Variants in CUL4B observed in about 807,000 individuals in gnomAD.
CUL4B encodes cullin-4B.
CUL4B carries 1 observed loss-of-function variant against 69.2 expected under a neutral mutation model. The ratio of observed to expected loss-of-function variants is 0.01; its 90% CI spans 0.01 to 0.07. The LOEUF (loss-of-function observed/expected upper bound fraction) is 0.07, where lower values mean the gene tolerates loss of function less well. Ranked by LOEUF, CUL4B falls within the 10% of genes least tolerant of loss-of-function variation. The probability of loss-of-function intolerance (pLI) is 1.00; values close to 1 mark genes in which losing one functional copy is unlikely to be tolerated. For synonymous variants in CUL4B, 237 were observed against 223.2 expected (o/e 1.06, Z -0.55); for missense variants, 328 against 638.8 (o/e 0.51, Z 5.24).
At chrX:120,563,400 A>AT (rs1211303954), upstream of CUL4B, among the ~76,000 whole-genome samples, 2 of 110,497 alleles carry the variant, frequency 1.8e-5, no homozygotes, top group Non-Finnish European at 3.8e-5. Flanking sequence ...ACGCCTGCTA[A>AT]TTTTTTTTGT....
rs200768115 is a variant in CUL4B at position 120,544,455 on chromosome X, T to C, written c.1083+26A>G. ...AAAACTAGGATAGCAATCAGCTCTG[T>C]ATAGTAGGTGTAGTAGTTAACTTAC... On this transcript the variant is annotated intron_variant, in intron 6 of 19. Transcript: ENST00000371322. 1.0e-5 allele frequency: 12 copies of C among 1,202,552 alleles called. No individual in the cohort carries two copies. In the East Asian group the frequency reaches 3.3e-4, roughly 33 times the overall value.
chrX:120,539,105 G>A (rs1314973994), intron 12 of CUL4B, among the ~76,000 whole-genome samples, 163 bp downstream of exon 12: 1 of 111,572 alleles, frequency 9.0e-6, no homozygotes, highest in East Asian at 2.8e-4. Context: ...CCAAAGCATA[G>A]GACAATCAGG....
intron 14 of CUL4B, among the ~76,000 whole-genome samples, chrX:120,537,546 T>C (rs1266974128): frequency 1.8e-5 from 2 of 111,457 alleles, no homozygotes; most frequent in Non-Finnish European, 3.8e-5. Flanking sequence ...TACTATAGAA[T>C]CCATAATCTT....
intron 4 of CUL4B, among the ~76,000 whole-genome samples, chrX:120,546,203 T>C (rs774645450): frequency 6.3e-5 from 7 of 110,348 alleles, no homozygotes; most frequent in Non-Finnish European, 1.3e-4. Flanking sequence ...CCAAAACTAG[T>C]TTCCAATTCA....
intron 2 of CUL4B, among the ~76,000 whole-genome samples, chrX:120,557,202 T>C (rs1925029152): frequency 1.8e-5 from 2 of 111,595 alleles, no homozygotes; most frequent in African/African-American, 3.3e-5. Flanking sequence ...TGAGCCACCG[T>C]GCCCGGCCTG....
chrX:120,546,483 TGAA>T (rs1478430311), intron 4 of CUL4B, 61 bp downstream of exon 4: 1 of 898,033 alleles, frequency 1.1e-6, no homozygotes, highest in African/African-American at 1.9e-5. Context: ...TTCCTGTATT[TGAA>T]GAAATGTTTT....
intron 5 of CUL4B, 112 bp downstream of exon 5, chrX:120,545,332 C>T (rs112225382): frequency 1.4e-5 from 8 of 581,589 alleles, no homozygotes; most frequent in East Asian, 3.7e-5. Context: ...AAGTCTAGAA[C>T]CAAATGTGAA....
At chrX:120,536,833 T>C (rs1208088383) in intron 15 of CUL4B, 94 bp downstream of exon 15, 22 of 635,678 alleles carry the variant, frequency 3.5e-5, no homozygotes, top group Non-Finnish European at 5.4e-5. Flanking sequence ...CCTGGGTCTC[T>C]ATTTTTTTCT....
At chrX:120,540,751 C>T (rs1362262644) in intron 10 of CUL4B, among the ~76,000 whole-genome samples, 189 bp from the exon 11 acceptor site, 1 of 112,127 alleles carries the variant, frequency 8.9e-6, no homozygotes, top group African/African-American at 3.2e-5. Context: ...GATCCTCCTG[C>T]CTCAGCCTCC....
At position 120,544,302 on chromosome X, in the gene CUL4B, A is replaced by T; in HGVS notation, c.1084-99T>A. 3 of 815,323 alleles carry T rather than the reference A, an allele frequency of 3.7e-6. No homozygotes were observed. In the South Asian group the frequency reaches 6.6e-5, roughly 18 times the overall value. The allele number at this position is 815,323 out of a possible 1,213,427, so 67.2% of individuals were successfully genotyped here. On this transcript the variant is annotated intron_variant, in intron 6 of 19. Coordinates refer to ENST00000371322, the MANE Select transcript of CUL4B (RefSeq NM_001079872.2). ...ACAGCATTATGAATTTGGTTTTTAA[A>T]CATCAAGCTAGGATCCTTTTGTAGT... is the stretch of plus-strand genomic sequence containing the variant.
At chrX:120,529,530 A>AT (rs1923190771) in intron 19 of CUL4B, among the ~76,000 whole-genome samples, 1 of 111,900 alleles carries the variant, frequency 8.9e-6, no homozygotes, top group South Asian at 3.7e-4. Flanking sequence ...CTTGGAAAAA[A>AT]GGCCAGTACA....
At chrX:120,558,920 G>A (rs1173356574) in intron 1 of CUL4B, among the ~76,000 whole-genome samples, 1 of 111,480 alleles carries the variant, frequency 9.0e-6, no homozygotes, top group Non-Finnish European at 1.9e-5. Context: ...GTGAAATAAT[G>A]AAAACGTTAC....
chrX:120,540,581 AC>A lies in CUL4B; in HGVS notation c.1444-20del. ...CAAATGCCTAAAACAAAAAATTACC[AC>A]TTTTTACTGTAATCGAATTGTCTAC... is the stretch of plus-strand genomic sequence containing the variant. On this transcript the variant is annotated intron_variant, in intron 10 of 19. Coordinates refer to ENST00000371322, the MANE Select transcript of CUL4B (RefSeq NM_001079872.2). 1 of 1,099,940 alleles carries A rather than the reference AC, an allele frequency of 9.1e-7. No homozygotes were observed. The highest frequency in any genetic ancestry group is 1.3e-6 in the Non-Finnish European group (1 of 796,899). The allele number at this position is 1,099,940 out of a possible 1,213,427, so 90.6% of individuals were successfully genotyped here. A position where few individuals can be genotyped will look rare whatever the true frequency, so the allele number is the denominator to read the frequency against.
chrX:120,561,439 A>AG (rs745795724), upstream of CUL4B: 16 of 385,247 alleles, frequency 4.2e-5, no homozygotes, highest in African/African-American at 5.4e-4. Flanking sequence ...GCAGGACTTG[A>AG]GTGGGGGGGG....
intron 1 of CUL4B, among the ~76,000 whole-genome samples, chrX:120,574,933 G>A (rs1925826527): frequency 8.9e-6 from 1 of 112,016 alleles, no homozygotes. Flanking sequence ...ACAATGGCTT[G>A]AACTCCTACG....
intron 1 of CUL4B, 179 bp downstream of exon 1, chrX:120,559,904 T>A: frequency 2.6e-6 from 3 of 1,138,475 alleles, no homozygotes; most frequent in Non-Finnish European, 3.5e-6. Flanking sequence ...AGCACAAGGA[T>A]CCTAACCACC....
chrX:120,543,137 G>T (rs1924102866), intron 8 of CUL4B, 104 bp from the exon 9 acceptor site: 1 of 502,946 alleles, frequency 2.0e-6, no homozygotes, highest in Middle Eastern at 4.7e-4. Flanking sequence ...ATTTTATGTT[G>T]ATTTCAAGAT....
intron 2 of CUL4B, among the ~76,000 whole-genome samples, chrX:120,551,350 G>A (rs1241578697): frequency 9.1e-6 from 1 of 109,878 alleles, no homozygotes; most frequent in Non-Finnish European, 1.9e-5. Flanking sequence ...AGCATGCGCC[G>A]CCACACTCAG....
chrX:120,552,593 G>A (rs1490285482), intron 2 of CUL4B, among the ~76,000 whole-genome samples: 7 of 110,847 alleles, frequency 6.3e-5, no homozygotes, highest in Non-Finnish European at 1.3e-4. Flanking sequence ...CCAAATCCCA[G>A]CCCTTCCCCT....
Sources: allele counts gnomAD v4.1 joint callset (sites outside exome capture counted in the v4.1 genomes callset), GRCh38; gene constraint gnomAD v4.1.1; transcripts MANE v1.5; gene names NCBI Gene and HGNC (gene_info 2026-07-23, HGNC 2026-07-21).